The following MEI4 variants were observed in gnomAD, a reference collection of about 807,000 sequenced individuals.
MEI4 encodes meiosis-specific protein MEI4.
A neutral mutation model predicts 31.4 loss-of-function variants in MEI4; 27 were observed. The observed-to-expected ratio is 0.86, with a 90% confidence interval of 0.63 to 1.19. MEI4 has a LOEUF of 1.19. Among genes scored for constraint, MEI4 ranks in the 50% most tolerant of loss-of-function variants. The pLI is 0.00. For synonymous variants in MEI4, 122 were observed against 145.4 expected, an observed-to-expected ratio of 0.84 and a Z score of 1.16; for missense variants, 329 against 398.9, an observed-to-expected ratio of 0.82 and a Z score of 1.49.
chr6:77,890,913 T>G (rs1771750674), intron 4 of MEI4, among the ~76,000 whole-genome samples: 1 of 152,176 alleles, frequency 6.6e-6, no homozygotes, highest in African/African-American at 2.4e-5. Context: ...TCACTTCCCC[T>G]TCCACCATGA....
At chr6:77,920,936 G>A (rs1766688844) in intron 4 of MEI4, among the ~76,000 whole-genome samples, 1 of 151,876 alleles carries the variant, frequency 6.6e-6, no homozygotes, top group African/African-American at 2.4e-5. Flanking sequence ...TGCAGCCAGA[G>A]TAGATTTAGC....
intron 1 of MEI4, among the ~76,000 whole-genome samples, chr6:77,669,282 A>C (rs974274455): frequency 3.7e-4 from 57 of 152,210 alleles, no homozygotes; most frequent in Non-Finnish European, 1.5e-4. Context: ...CATCAAAAAC[A>C]CAGATGAAGA....
At chr6:77,678,364 G>T (rs901743496) in intron 1 of MEI4, among the ~76,000 whole-genome samples, 1 of 152,242 alleles carries the variant, frequency 6.6e-6, no homozygotes, top group Admixed American at 6.5e-5. Flanking sequence ...TCTCTAATTG[G>T]TTAGATCTCA....
At chr6:77,714,106 G>A (rs888256977) in intron 2 of MEI4, among the ~76,000 whole-genome samples, 4 of 151,808 alleles carry the variant, frequency 2.6e-5, no homozygotes, top group African/African-American at 9.7e-5. Context: ...TGTTGTATAT[G>A]TACCACATTT....
intron 1 of MEI4, among the ~76,000 whole-genome samples, chr6:77,676,379 T>G (rs574944169): frequency 1.8e-4 from 27 of 152,024 alleles, no homozygotes; most frequent in African/African-American, 6.5e-4. Flanking sequence ...AAAAAAAAAT[T>G]AACCAGGTAT....
At chr6:77,743,532 G>A (rs994013156) in intron 2 of MEI4, among the ~76,000 whole-genome samples, 14 of 152,140 alleles carry the variant, frequency 9.2e-5, no homozygotes, top group African/African-American at 3.4e-4. Context: ...CTGAGATGAC[G>A]GGGTTTTCTA....
At chr6:77,736,376 G>T (rs915739909) in intron 2 of MEI4, among the ~76,000 whole-genome samples, 5 of 152,054 alleles carry the variant, frequency 3.3e-5, no homozygotes, top group Admixed American at 6.5e-5. Context: ...CGCAGTATTT[G>T]GGTGGGAGTG....
At chr6:77,889,952 T>A (rs959431755) in intron 4 of MEI4, among the ~76,000 whole-genome samples, 1 of 152,230 alleles carries the variant, frequency 6.6e-6, no homozygotes, top group Non-Finnish European at 1.5e-5. Flanking sequence ...AGAATTGAAG[T>A]TTGGGAACCT....
At chr6:77,660,260 C>T (rs150423544) in intron 1 of MEI4, among the ~76,000 whole-genome samples, 1,690 of 151,626 alleles carry the variant, frequency 0.011, 13 homozygotes, top group South Asian at 0.035. Flanking sequence ...AGCTGGGGAG[C>T]GGTAGAGGGT....
chr6:77,871,945 A>T (rs1002202761), intron 4 of MEI4, among the ~76,000 whole-genome samples: 3 of 152,130 alleles, frequency 2.0e-5, no homozygotes, highest in African/African-American at 7.2e-5. Context: ...GCTTAATTAA[A>T]ATTGTCATGG....
intron 4 of MEI4, among the ~76,000 whole-genome samples, chr6:77,908,777 A>T (rs1227601619): frequency 2.0e-5 from 3 of 152,172 alleles, no homozygotes; most frequent in African/African-American, 7.2e-5. Context: ...TGGTAAAGGG[A>T]TCAATTCAAC....
intron 4 of MEI4, among the ~76,000 whole-genome samples, chr6:77,897,328 A>G (rs1043943420): frequency 6.6e-6 from 1 of 151,970 alleles, no homozygotes; most frequent in Admixed American, 6.6e-5. Flanking sequence ...ACAAATACAA[A>G]TCATCCTTTT....
At chr6:77,654,166 C>G (rs1768346368) in intron 1 of MEI4, among the ~76,000 whole-genome samples, 1 of 152,096 alleles carries the variant, frequency 6.6e-6, no homozygotes, top group Non-Finnish European at 1.5e-5. Context: ...GGCCAGTTTT[C>G]CAATCTCTGA....
At chr6:77,885,341 A>C (rs1245117647) in intron 4 of MEI4, among the ~76,000 whole-genome samples, 1 of 151,988 alleles carries the variant, frequency 6.6e-6, no homozygotes, top group Non-Finnish European at 1.5e-5. Context: ...ATGCACCACC[A>C]TGCCCAGCTA....
chr6:77,846,860 A>G (rs1582209381), intron 4 of MEI4, among the ~76,000 whole-genome samples: 1 of 152,152 alleles, frequency 6.6e-6, no homozygotes, highest in East Asian at 1.9e-4. Context: ...TATACAGAGC[A>G]TTAGTGCCCC....
chr6:77,674,425 A>G (rs1336529079), intron 1 of MEI4, among the ~76,000 whole-genome samples: 2 of 152,156 alleles, frequency 1.3e-5, no homozygotes, highest in Non-Finnish European at 2.9e-5. Context: ...CTGTAAGATT[A>G]TAATACCATA....
intron 2 of MEI4, among the ~76,000 whole-genome samples, chr6:77,711,602 G>T (rs556049221): frequency 9.2e-5 from 14 of 152,182 alleles, no homozygotes; most frequent in African/African-American, 3.4e-4. Flanking sequence ...GTGTCTCTGT[G>T]CATATTGGGA....
intron 3 of MEI4, among the ~76,000 whole-genome samples, chr6:77,786,005 T>G (rs1329985390): frequency 6.6e-6 from 1 of 152,164 alleles, no homozygotes; most frequent in Admixed American, 6.6e-5. Flanking sequence ...AGCCAGAGTT[T>G]TACCTTGTTT....
chr6:77,793,342 A>G (rs1342409609), intron 3 of MEI4, among the ~76,000 whole-genome samples: 1 of 152,246 alleles, frequency 6.6e-6, no homozygotes, highest in Non-Finnish European at 1.5e-5. Context: ...AGTCCCAAAG[A>G]AAAGCTGCAG....
Sources: gnomAD v4.1 joint callset for allele counts (sites outside exome capture counted in the v4.1 genomes callset) on GRCh38, gnomAD v4.1.1 for gene constraint, MANE v1.5 for transcripts, NCBI Gene and HGNC (gene_info 2026-07-23, HGNC 2026-07-21) for gene names.